Variants in PINK1 observed in about 807,000 individuals in gnomAD.
The protein encoded by PINK1 is PTEN induced kinase 1.
PINK1 carries 58 observed loss-of-function variants against 56.0 expected under a neutral mutation model. That is an observed-to-expected ratio of 1.04 (90% CI 0.84 to 1.29). PINK1 has a LOEUF of 1.29. PINK1 is among the 50% of genes most tolerant of loss of function. PINK1 has a pLI of 0.00. For missense variants in PINK1, 745 were observed against 777.9 expected, an observed-to-expected ratio of 0.96 and a Z score of 0.50; for synonymous variants, 354 against 339.3, an observed-to-expected ratio of 1.04 and a Z score of -0.48.
rs1396417183 is a variant in PINK1, at chr1:20,651,270, C to CCTCT, written c.*582_*585dup. Reference sequence around the variant, plus strand: ...ACTTGAGGGTTTCCCTCCTGACTAGCCTCTCTTACAGGAATTGTGAAATAT... The same window carrying CCTCT: ...ACTTGAGGGTTTCCCTCCTGACTAGCCTCTCTCTCTTACAGGAATTGTGAAATAT... On this transcript the variant is annotated 3_prime_UTR_variant, in exon 8 of 8. Coordinates refer to ENST00000321556, the MANE Select transcript of PINK1 (RefSeq NM_032409.3). The CCTCT allele has an allele frequency of 6.0e-6, 1 of 165,476 alleles. No homozygotes were observed. Among genetic ancestry groups the CCTCT allele is most frequent in the African/African-American group, 2.4e-5 (1 of 41,730 alleles). The allele number at this position is 165,476 out of a possible 1,614,324, so 10.3% of individuals were successfully genotyped here.
intron 1 of PINK1, among the ~76,000 whole-genome samples, chr1:20,634,308 G>A (rs2053032508): frequency 1.3e-5 from 2 of 152,286 alleles, no homozygotes; most frequent in African/African-American, 2.4e-5. Flanking sequence ...CTCAGGTGAA[G>A]GGACTTGCTC....
At chr1:20,643,589 C>G (rs79546539) in intron 3 of PINK1, among the ~76,000 whole-genome samples, 1 of 152,346 alleles carries the variant, frequency 6.6e-6, no homozygotes, top group African/African-American at 2.4e-5. Context: ...TCCATGAGGA[C>G]AGGGACTCTG....
In PINK1 at chr1:20,644,585, C is replaced by A; in HGVS notation, c.872C>A (p.Ala291Asp). Residue 291 changes from alanine to aspartate, a missense_variant, in exon 4 of 8, where the codon GCC becomes GAC. Coordinates refer to ENST00000321556, the MANE Select transcript of PINK1 (RefSeq NM_032409.3). ...TCTTCCGTGCCGCTGCTGCCAGGGGCCCTGGTCGACTACCCTGATGTGCTG... is the reference window on the plus strand; with the variant it reads ...TCTTCCGTGCCGCTGCTGCCAGGGGACCTGGTCGACTACCCTGATGTGCTG... ...FTSSVPLLPG[A>D]LVDYPDVLPS... 1.2e-6 allele frequency: 2 copies of A among 1,614,234 alleles called. No individual in the cohort carries two copies. The highest frequency in any genetic ancestry group is 1.7e-6 in the Non-Finnish European group (2 of 1,180,040).
In PINK1 at chr1:20,651,201, G is replaced by A. The variant is rs886045850; in HGVS notation, c.*510G>A. The A allele has an allele frequency of 4.4e-5, 8 of 181,734 alleles. No homozygotes were observed. Among genetic ancestry groups the A allele is most frequent in the South Asian group, 1.2e-4 (1 of 8,176 alleles). 11.3% of individuals were successfully genotyped at this position (181,734 alleles called of 1,614,324 possible). On this transcript the variant is annotated 3_prime_UTR_variant, in exon 8 of 8. Transcript: ENST00000321556. The stretch of plus-strand genomic sequence containing the variant: ...TACTGAATTATTAATCTCACTTAGC[G>A]AAAGTGACGGATGAGCAGTAAGTAA...
chr1:20,646,026 C>A (rs547510471), intron 5 of PINK1, among the ~76,000 whole-genome samples: 4 of 152,154 alleles, frequency 2.6e-5, no homozygotes, highest in African/African-American at 9.6e-5. Context: ...GTAATCCCAA[C>A]ACTTTGGGAG....
chr1:20,639,452 T>G, intron 2 of PINK1: 1 of 260,232 alleles, frequency 3.8e-6, no homozygotes, highest in Non-Finnish European at 7.8e-6. Flanking sequence ...TCGTGGGGGA[T>G]GGAGGAAGGC....
rs2053171704 is a variant in PINK1 at position 20,645,712 on chromosome 1, A to C, written c.1112A>C (p.Glu371Ala). Residue 371 changes from glutamate to alanine, a missense_variant, in exon 5 of 8, where the codon GAG becomes GCG. Coordinates refer to ENST00000321556, the MANE Select transcript of PINK1 (RefSeq NM_032409.3). ...CTGAAATCCGACAACATCCTTGTGG[A>C]GCTGGACCCAGGTAGGAACCTGCTG... Reference protein sequence around the residue: ...RDLKSDNILVELDPDGCPWLV... With the variant: ...RDLKSDNILVALDPDGCPWLV... 1.2e-6 allele frequency: 2 copies of C among 1,613,932 alleles called. No homozygotes were observed. Among genetic ancestry groups the C allele is most frequent in the South Asian group, 2.2e-5 (2 of 91,076 alleles).
In PINK1 at chr1:20,633,505, T is replaced by C. The variant is rs1389190353; in HGVS notation, c.-44T>C. ...TGTGACCGGCGGGGGACGCCGGTGG[T>C]GGCGGCAGCGGCGGCTGCGGGGGCA... On this transcript the variant is annotated 5_prime_UTR_variant, in exon 1 of 8. Coordinates refer to ENST00000321556, the MANE Select transcript of PINK1 (RefSeq NM_032409.3). The C allele has an allele frequency of 6.5e-5, 72 of 1,112,438 alleles. No individual in the cohort carries two copies. The highest frequency in any genetic ancestry group is 7.5e-5 in the Non-Finnish European group (68 of 912,394). The allele number at this position is 1,112,438 out of a possible 1,614,324, so 68.9% of individuals were successfully genotyped here. A position where few individuals can be genotyped will look rare whatever the true frequency, so the allele number is the denominator to read the frequency against.
Position 20,633,811 on chromosome 1 carries a change from G to T in PINK1, c.263G>T (p.Arg88Leu). ...AARLQRQFVV[R>L]AWGCAGPCGR... ...CGGTTGCAGCGGCAGTTCGTGGTGC[G>T]GGCCTGGGGCTGCGCGGGCCCTTGC... The change falls in exon 1 of 8, where the codon CGG becomes CTG. Residue 88 changes from arginine to leucine, a missense_variant. Arg to Leu is a moderately radical substitution (Grantham distance 102, BLOSUM62 -2). Coordinates refer to ENST00000321556, the MANE Select transcript of PINK1 (RefSeq NM_032409.3). 1 of 1,576,662 alleles carries T rather than the reference G, an allele frequency of 6.3e-7. No individual in the cohort carries two copies. Among genetic ancestry groups the T allele is most frequent in the East Asian group, 2.3e-5 (1 of 43,410 alleles).
chr1:20,633,976 T>G, intron 1 of PINK1, 41 bp downstream of exon 1: 1 of 1,508,476 alleles, frequency 6.6e-7, no homozygotes, highest in South Asian at 1.2e-5. Context: ...AGGACGGAGC[T>G]AAGCGCGGGG....
chr1:20,639,116 A>C (rs1417433063), intron 2 of PINK1: 2 of 153,676 alleles, frequency 1.3e-5, no homozygotes, highest in African/African-American at 4.8e-5. Context: ...TCAAGGCCGC[A>C]GTGGGAAGTG....
intron 3 of PINK1, 78 bp from the exon 4 acceptor site, chr1:20,644,412 T>C (rs2053150577): frequency 1.8e-5 from 26 of 1,424,012 alleles, no homozygotes; most frequent in Non-Finnish European, 2.3e-5. Flanking sequence ...GTGCCAGTGT[T>C]GGTGTGGCCT....
intron 2 of PINK1, chr1:20,638,502 G>A: frequency 3.2e-6 from 1 of 309,010 alleles, no homozygotes; most frequent in South Asian, 2.9e-5. Flanking sequence ...GTGACAGCTT[G>A]CACCTGTATG....
chr1:20,637,930 G>T lies in PINK1; in HGVS notation c.476G>T (p.Gly159Val). The change falls in exon 2 of 8, where the codon GGG (glycine) becomes GTG (valine). Residue 159 changes from glycine to valine, a missense_variant. Coordinates refer to ENST00000321556, the MANE Select transcript of PINK1 (RefSeq NM_032409.3). ...TTTCGGCTGGAGGAGTATCTGATAG[G>T]GCAGTCCATTGGTAAGGGCTGCAGT... ...QGFRLEEYLI[G>V]QSIGKGCSAA... 1 of 1,614,140 alleles carries T rather than the reference G, an allele frequency of 6.2e-7. No individual in the cohort carries two copies. The highest frequency in any genetic ancestry group is 8.5e-7 in the Non-Finnish European group (1 of 1,180,032).
At chr1:20,634,091 C>T (rs1383203339) in intron 1 of PINK1, among the ~76,000 whole-genome samples, 156 bp downstream of exon 1, 1 of 152,206 alleles carries the variant, frequency 6.6e-6, no homozygotes, top group African/African-American at 2.4e-5. Flanking sequence ...TTCACCATTA[C>T]TGATCGGCTG....
chr1:20,648,741 C>T, intron 6 of PINK1, 109 bp downstream of exon 6: 1 of 1,536,858 alleles, frequency 6.5e-7, no homozygotes, highest in East Asian at 2.4e-5. Context: ...CTTTTCTGAC[C>T]CATAATTTGG....
rs2053166519 is a variant in PINK1, at chr1:20,645,465, G to A, written c.960-95G>A. On this transcript the variant is annotated intron_variant, in intron 4 of 7. Coordinates refer to ENST00000321556, the MANE Select transcript of PINK1 (RefSeq NM_032409.3). ...GATCGTGCTACTGCACTCCAGCTTGGCGACAGAGTGAGACTCCATCTCAAA... is the reference window on the plus strand; with the variant it reads ...GATCGTGCTACTGCACTCCAGCTTGACGACAGAGTGAGACTCCATCTCAAA... 4 of 1,384,908 alleles carry A rather than the reference G, an allele frequency of 2.9e-6. No homozygotes were observed. The South Asian group carries it at 3.6e-5, about 13-fold the overall frequency. 85.8% of individuals were successfully genotyped at this position (1,384,908 alleles called of 1,614,324 possible). A position where few individuals can be genotyped will look rare whatever the true frequency, so the allele number is the denominator to read the frequency against.
At chr1:20,649,400 G>A (rs566416409) in intron 7 of PINK1, 169 bp downstream of exon 7, 13 of 663,536 alleles carry the variant, frequency 2.0e-5, no homozygotes, top group African/African-American at 1.1e-4. Flanking sequence ...GGTAGGAGTA[G>A]GAGCACTAGC....
In PINK1 at chr1:20,641,699, A is replaced by T. The variant is rs1346587527; in HGVS notation, c.776+1707A>T. Among the ~76,000 whole-genome samples, 1 of 152,002 alleles carries T rather than the reference A, an allele frequency of 6.6e-6. No homozygotes were observed. The highest frequency in any genetic ancestry group is 1.5e-5 in the Non-Finnish European group (1 of 68,004). Reference sequence around the variant, plus strand: ...TGCTCTCCTGGGGCCCAGAGATTGAAGGCGCTTAACCTGCTCATCTCACCA... The same window carrying T: ...TGCTCTCCTGGGGCCCAGAGATTGATGGCGCTTAACCTGCTCATCTCACCA... On this transcript the variant is annotated intron_variant, in intron 3 of 7. Coordinates refer to ENST00000321556, the MANE Select transcript of PINK1 (RefSeq NM_032409.3). This position sits in a 1 kb window ranked among gnomAD's most constrained non-coding sequence, Gnocchi z 4.0.
Sources: allele counts gnomAD v4.1 joint callset (sites outside exome capture counted in the v4.1 genomes callset), GRCh38; gene constraint gnomAD v4.1.1; non-coding constraint Gnocchi (gnomAD v3.1); transcripts MANE v1.5; gene names NCBI Gene and HGNC (gene_info 2026-07-23, HGNC 2026-07-21).